Variants in EDC3 observed in about 807,000 individuals in gnomAD.
The protein encoded by EDC3 is enhancer of mRNA decapping 3, also known as enhancer of mRNA-decapping protein 3.
EDC3 carries 20 observed loss-of-function variants against 41.8 expected under a neutral mutation model. That is an observed-to-expected ratio of 0.48 (90% CI 0.34 to 0.70). The LOEUF is 0.70. Ranked by LOEUF, EDC3 falls within the 30% of genes least tolerant of loss-of-function variation. The pLI is 0.01. For synonymous variants in EDC3, 206 were observed against 243.2 expected (o/e 0.85, Z 1.42); for missense variants, 444 against 636.8 (o/e 0.70, Z 3.26).
intron 2 of EDC3, 115 bp downstream of exon 2, chr15:74,674,846 C>G: frequency 8.2e-7 from 1 of 1,224,918 alleles, no homozygotes; most frequent in African/African-American, 1.5e-5. Flanking sequence ...GAAACCCCAT[C>G]TCTACTAAAA....
At chr15:74,663,438 G>C (rs1567169438) in intron 3 of EDC3, among the ~76,000 whole-genome samples, 2 of 152,268 alleles carry the variant, frequency 1.3e-5, no homozygotes, top group East Asian at 3.9e-4. Flanking sequence ...AGCACAAGCT[G>C]AGCATCCCTA....
intron 1 of EDC3, among the ~76,000 whole-genome samples, chr15:74,694,157 T>C (rs1415670338): frequency 6.6e-6 from 1 of 152,176 alleles, no homozygotes; most frequent in Non-Finnish European, 1.5e-5. Flanking sequence ...AAATGATACA[T>C]CTTCCATTTT....
Position 74,632,942 on chromosome 15 carries a change from C to T in EDC3, c.1197G>A (p.Leu399=). ...TGACCAGGTCCACAGGGCTAGTGGG[C>T]AGATCTGCAGGTGGAAAGAGTGCCA... ...QGQQVSSLKD[L]PTSPVDLVIN... is the part of the protein sequence containing the mutation. The change falls in exon 7 of 7, where the codon CTG becomes CTA. Residue 399 remains leucine, a synonymous_variant. Coordinates refer to ENST00000315127, the MANE Select transcript of EDC3 (RefSeq NM_025083.5). This position sits in a 1 kb window ranked among gnomAD's most constrained non-coding sequence, Gnocchi z 4.0. 3 of 1,613,206 alleles carry T rather than the reference C, an allele frequency of 1.9e-6. No individual in the cohort carries two copies. Among genetic ancestry groups the T allele is most frequent in the Non-Finnish European group, 2.5e-6 (3 of 1,179,272 alleles).
At chr15:74,637,837 A>T (rs1387937413) in intron 5 of EDC3, 2 of 152,176 alleles carry the variant, frequency 1.3e-5, no homozygotes, top group Non-Finnish European at 2.9e-5. Context: ...GCAAATAGGG[A>T]AGGGGCCCTG....
chr15:74,668,096 CT>C (rs1185650895), intron 3 of EDC3, among the ~76,000 whole-genome samples: 2 of 152,152 alleles, frequency 1.3e-5, no homozygotes, highest in Non-Finnish European at 2.9e-5. Flanking sequence ...TAACCCCAGT[CT>C]AATCATGATT....
intron 1 of EDC3, among the ~76,000 whole-genome samples, chr15:74,688,472 A>G (rs960842048): frequency 1.3e-5 from 2 of 152,220 alleles, no homozygotes; most frequent in African/African-American, 4.8e-5. Flanking sequence ...CAACACCTCA[A>G]AAGGCTCCAT....
chr15:74,689,809 C>G (rs1031767756), intron 1 of EDC3, among the ~76,000 whole-genome samples: 1 of 152,226 alleles, frequency 6.6e-6, no homozygotes, highest in Admixed American at 6.5e-5. Flanking sequence ...CAGGCGTGAG[C>G]CACTGCGCCC....
chr15:74,669,120 C>G (rs1286371724), intron 3 of EDC3, among the ~76,000 whole-genome samples: 2 of 151,964 alleles, frequency 1.3e-5, no homozygotes, highest in East Asian at 1.9e-4. Context: ...CCTGTAATCT[C>G]AGCACTTTGG....
At chr15:74,657,115 G>A (rs1596313909) in intron 3 of EDC3, among the ~76,000 whole-genome samples, 1 of 152,258 alleles carries the variant, frequency 6.6e-6, no homozygotes, top group African/African-American at 2.4e-5. Flanking sequence ...ACAAAAGACT[G>A]TCACACTGAT....
intron 1 of EDC3, among the ~76,000 whole-genome samples, chr15:74,695,068 G>A (rs941197783): frequency 1.3e-5 from 2 of 152,108 alleles, no homozygotes; most frequent in Admixed American, 1.3e-4. Flanking sequence ...ATTTGAGACA[G>A]CAGACTGAAA....
chr15:74,651,834 A>G (rs576581951), intron 4 of EDC3, among the ~76,000 whole-genome samples: 1 of 152,334 alleles, frequency 6.6e-6, no homozygotes, highest in South Asian at 2.1e-4. Flanking sequence ...TAAATTGAAA[A>G]TATCTAAGTT....
At chr15:74,665,726 T>G (rs1705512943) in intron 3 of EDC3, among the ~76,000 whole-genome samples, 1 of 151,934 alleles carries the variant, frequency 6.6e-6, no homozygotes, top group South Asian at 2.1e-4. Flanking sequence ...AACAAATTCC[T>G]CAACTCCTTA....
intron 1 of EDC3, among the ~76,000 whole-genome samples, chr15:74,693,247 C>T (rs2063028275): frequency 6.6e-6 from 1 of 152,234 alleles, no homozygotes; most frequent in South Asian, 2.1e-4. Flanking sequence ...TTCTTAACCA[C>T]ACCACTGATT....
At chr15:74,679,357 A>C (rs530864544) in intron 1 of EDC3, among the ~76,000 whole-genome samples, 20 of 152,320 alleles carry the variant, frequency 1.3e-4, no homozygotes, top group African/African-American at 4.8e-4. Flanking sequence ...TAACAAATCA[A>C]ATCCAGCAAT....
chr15:74,664,872 G>A (rs936866800), intron 3 of EDC3, among the ~76,000 whole-genome samples: 1 of 152,016 alleles, frequency 6.6e-6, no homozygotes, highest in African/African-American at 2.4e-5. Context: ...AGATAATATC[G>A]ACCATCTTTC....
chr15:74,631,921 A>G lies in EDC3; in HGVS notation c.*691T>C, dbSNP rs2062214530. On this transcript the variant is annotated 3_prime_UTR_variant, in exon 7 of 7. Coordinates refer to ENST00000315127, the MANE Select transcript of EDC3 (RefSeq NM_025083.5). Reference sequence around the variant, plus strand: ...CCTGTGCTGAAGACGACAGAACAACATAAAATCCCAATACAGTAACACCAT... The same window carrying G: ...CCTGTGCTGAAGACGACAGAACAACGTAAAATCCCAATACAGTAACACCAT... The G allele has an allele frequency of 6.5e-6, 1 of 153,306 alleles. No individual in the cohort carries two copies. Among genetic ancestry groups the G allele is most frequent in the Non-Finnish European group, 1.5e-5 (1 of 68,808 alleles). The allele number at this position is 153,306 out of a possible 1,614,324, so 9.5% of individuals were successfully genotyped here.
At chr15:74,684,721 C>A (rs1034890751) in intron 1 of EDC3, among the ~76,000 whole-genome samples, 6 of 151,986 alleles carry the variant, frequency 3.9e-5, no homozygotes, top group Non-Finnish European at 8.8e-5. Context: ...ACAGTCAATC[C>A]ATAAAAAGTC....
intron 3 of EDC3, among the ~76,000 whole-genome samples, chr15:74,659,428 C>T (rs761137281): frequency 2.7e-5 from 4 of 150,528 alleles, no homozygotes; most frequent in Non-Finnish European, 5.9e-5. Context: ...CCATTCCACT[C>T]CAGCCTGGGC....
intron 1 of EDC3, among the ~76,000 whole-genome samples, chr15:74,678,891 GA>G (rs35560581): frequency 0.35 from 38,201 of 109,706 alleles, 7,553 homozygotes; most frequent in African/African-American, 0.59. Flanking sequence ...CTCCGTCTCA[GA>G]AAAAAAAAAA....
Sources: allele counts gnomAD v4.1 joint callset (sites outside exome capture counted in the v4.1 genomes callset), GRCh38; gene constraint gnomAD v4.1.1; non-coding constraint Gnocchi (gnomAD v3.1); transcripts MANE v1.5; gene names NCBI Gene and HGNC (gene_info 2026-07-23, HGNC 2026-07-21).